DLG2: variants seen among roughly 807,000 people sequenced by gnomAD.
DLG2 encodes discs large MAGUK scaffold protein 2.
A neutral mutation model predicts 132.5 loss-of-function variants in DLG2; 45 were observed. The ratio of observed to expected loss-of-function variants is 0.34; its 90% CI spans 0.27 to 0.44. The LOEUF (loss-of-function observed/expected upper bound fraction) is 0.44, where lower values mean the gene tolerates loss of function less well. Among genes scored for constraint, DLG2 ranks in the 20% least tolerant of loss-of-function variants. The pLI is 1.00. For missense variants in DLG2, 1,045 were observed against 1,196.9 expected (o/e 0.87, Z 1.87); for synonymous variants, 424 against 419.6 (o/e 1.01, Z -0.13).
At chr11:84,183,052 C>A (rs11820047) in intron 8 of DLG2, among the ~76,000 whole-genome samples, 17,551 of 152,060 alleles carry the variant, frequency 0.12, 1,763 homozygotes, top group African/African-American at 0.27. Context: ...TAAAACAGAC[C>A]ATGTGAATAG....
At chr11:84,636,006 A>C (rs1328495455) in intron 6 of DLG2, among the ~76,000 whole-genome samples, 3 of 152,268 alleles carry the variant, frequency 2.0e-5, no homozygotes, top group Non-Finnish European at 4.4e-5. Context: ...TTGGTAGTTT[A>C]CCATGGTTTG....
chr11:84,692,313 T>C (rs899354641), intron 6 of DLG2, among the ~76,000 whole-genome samples: 9 of 151,784 alleles, frequency 5.9e-5, no homozygotes, highest in African/African-American at 2.2e-4. Context: ...ATAACTATCT[T>C]CATACTTAGT....
At chr11:84,883,883 CTG>C (rs1345922548) in intron 6 of DLG2, among the ~76,000 whole-genome samples, 1 of 152,116 alleles carries the variant, frequency 6.6e-6, no homozygotes, top group Non-Finnish European at 1.5e-5. Context: ...TCTGTGGAAT[CTG>C]TATTCTATGG....
chr11:83,631,182 T>TTTC (rs1293152474), intron 19 of DLG2: 3 of 150,100 alleles, frequency 2.0e-5, no homozygotes, highest in Non-Finnish European at 3.0e-5. Context: ...TTTTTTTTTT[T>TTTC]TTTTTGGTCT....
intron 7 of DLG2, among the ~76,000 whole-genome samples, chr11:84,261,821 G>A (rs1375420827): frequency 6.6e-6 from 1 of 152,082 alleles, no homozygotes; most frequent in Non-Finnish European, 1.5e-5. Flanking sequence ...AGCAATAGGA[G>A]TTACAATTCA....
chr11:83,562,004 T>C (rs950417375), intron 19 of DLG2, among the ~76,000 whole-genome samples: 3 of 150,902 alleles, frequency 2.0e-5, no homozygotes, highest in African/African-American at 7.3e-5. Flanking sequence ...TTCTCCTGCT[T>C]CAGCCTCCCG....
chr11:84,337,091 C>T (rs1600149115), intron 7 of DLG2, among the ~76,000 whole-genome samples: 1 of 152,226 alleles, frequency 6.6e-6, no homozygotes, highest in Admixed American at 6.5e-5. Context: ...TATATGTGCA[C>T]ATTCTATGTG....
intron 3 of DLG2, among the ~76,000 whole-genome samples, chr11:85,377,808 T>TGC (rs1276523514): frequency 6.8e-6 from 1 of 146,214 alleles, no homozygotes; most frequent in Non-Finnish European, 1.5e-5. Flanking sequence ...TATATATGTG[T>TGC]GTGTGTGTGT....
rs181713407 is a variant in DLG2, at chr11:83,704,982, C to G, written c.1826-71657G>C. On this transcript the variant is annotated intron_variant, in intron 18 of 27. Coordinates refer to ENST00000376104, the MANE Select transcript of DLG2 (RefSeq NM_001142699.3). ...TCCCAAATCTCAGCATAATGCAATA[C>G]ACCCATGTAACAAACTTGCACAAAT... Among the ~76,000 whole-genome samples the G allele has an allele frequency of 1.6e-3, 242 of 152,272 alleles. 1 individual carries two copies. The highest frequency in any genetic ancestry group is 5.5e-3 in the African/African-American group (230 of 41,552).
chr11:83,676,835 C>A (rs1019053477), intron 18 of DLG2, among the ~76,000 whole-genome samples: 1 of 152,106 alleles, frequency 6.6e-6, no homozygotes, highest in Non-Finnish European at 1.5e-5. Context: ...TATCCATGTC[C>A]CTTGGATTAT....
chr11:83,606,716 A>G (rs2059386788), intron 19 of DLG2, among the ~76,000 whole-genome samples: 1 of 151,976 alleles, frequency 6.6e-6, no homozygotes, highest in Non-Finnish European at 1.5e-5. Context: ...TCACGAGGTC[A>G]GGAGATCAAG....
intron 6 of DLG2, among the ~76,000 whole-genome samples, chr11:84,929,847 T>C (rs943520001): frequency 3.3e-5 from 5 of 152,066 alleles, no homozygotes; most frequent in African/African-American, 1.2e-4. Flanking sequence ...GAGAACCACT[T>C]GAACGCACAG....
At position 83,849,610 on chromosome 11, in the gene DLG2, AAGG is replaced by A. The variant is rs1847251218; in HGVS notation, c.1566-15843_1566-15841del. Among the ~76,000 whole-genome samples, 4 of 152,214 alleles carry A rather than the reference AAGG, an allele frequency of 2.6e-5. No individual in the cohort carries two copies. In the South Asian group the frequency reaches 8.3e-4, roughly 32 times the overall value. ...ATGGGGGTCTATGGAAGGTTTGCTG[AAGG>A]AGATCACACTTTAATTACACAGGAA... On this transcript the variant is annotated intron_variant, in intron 16 of 27. Transcript: ENST00000376104.
intron 17 of DLG2, among the ~76,000 whole-genome samples, chr11:83,814,361 T>C (rs2048252378): frequency 6.6e-6 from 1 of 152,200 alleles, no homozygotes; most frequent in African/African-American, 2.4e-5. Context: ...ATTTCCTATT[T>C]TTAGGAATTC....
intron 6 of DLG2, among the ~76,000 whole-genome samples, chr11:84,598,551 T>C (rs1158111105): frequency 6.6e-6 from 1 of 152,180 alleles, no homozygotes; most frequent in Non-Finnish European, 1.5e-5. Context: ...GTACCACGCT[T>C]ATCTAAACTA....
intron 9 of DLG2, among the ~76,000 whole-genome samples, chr11:84,145,111 T>C (rs2095026937): frequency 6.6e-6 from 1 of 152,192 alleles, no homozygotes; most frequent in Admixed American, 6.5e-5. Flanking sequence ...TTACAAATTA[T>C]GGAAATAAAT....
At chr11:85,011,479 C>A (rs1479598098) in intron 6 of DLG2, among the ~76,000 whole-genome samples, 1 of 152,080 alleles carries the variant, frequency 6.6e-6, no homozygotes, top group Non-Finnish European at 1.5e-5. Flanking sequence ...CTTCTAGAAA[C>A]CTATTTAACA....
At chr11:83,772,236 C>T (rs1419447021) in intron 18 of DLG2, among the ~76,000 whole-genome samples, 4 of 151,764 alleles carry the variant, frequency 2.6e-5, no homozygotes, top group African/African-American at 4.8e-5. Flanking sequence ...AGTGAAACCC[C>T]GTTGCTACCA....
At chr11:85,234,666 G>A (rs1176655876) in intron 4 of DLG2, among the ~76,000 whole-genome samples, 1 of 151,964 alleles carries the variant, frequency 6.6e-6, no homozygotes. Flanking sequence ...ACTAAGTGAT[G>A]ATCTCATTCA....
Sources: allele counts gnomAD v4.1 joint callset (sites outside exome capture counted in the v4.1 genomes callset), GRCh38; gene constraint gnomAD v4.1.1; transcripts MANE v1.5; gene names NCBI Gene and HGNC (gene_info 2026-07-23, HGNC 2026-07-21).